Variants in MEN1 observed in about 807,000 individuals in gnomAD.
MEN1 encodes menin.
In MEN1, 6 loss-of-function variants were observed where a neutral mutation model predicts 58.0. The observed-to-expected ratio is 0.10, with a 90% CI of 0.06 to 0.20. MEN1 has a LOEUF of 0.20. Among genes scored for constraint, MEN1 ranks in the 10% least tolerant of loss-of-function variants. The probability of loss-of-function intolerance (pLI) is 1.00; values close to 1 mark genes in which losing one functional copy is unlikely to be tolerated. For missense variants in MEN1, 492 were observed against 818.5 expected (o/e 0.60, Z 4.87); for synonymous variants, 346 against 350.7 (o/e 0.99, Z 0.15).
Position 64,804,397 on chromosome 11 carries a change from C to G in MEN1, c.1770G>C (p.Gln590His), listed in dbSNP as rs1470506250. 2.5e-6 allele frequency: 4 copies of G among 1,614,182 alleles called. No homozygotes were observed. The highest frequency in any genetic ancestry group is 3.4e-6 in the Non-Finnish European group (4 of 1,180,020). ...TAQSQVQMKK[Q>H]KVSTPSDYTL... is the part of the protein sequence containing the mutation. The stretch of plus-strand genomic sequence containing the variant: ...TGTAGTCACTAGGGGTGGACACTTT[C>G]TGCTTCTTCATCTGCACTTGCGACT... Residue 590 changes from glutamine (Q) to histidine (H), a missense_variant, in exon 10 of 10, where the codon CAG (glutamine) becomes CAC (histidine). Around this residue, in one of 5 missense-constraint regions of MEN1, gnomAD observed 24 missense variants for 72.4 expected, o/e 0.33. Transcript: ENST00000450708. This position sits in a 1 kb window ranked among gnomAD's most constrained non-coding sequence, Gnocchi z 4.2.
intron 7 of MEN1, 163 bp from the exon 8 acceptor site, chr11:64,805,933 A>C: frequency 2.6e-6 from 2 of 755,282 alleles, no homozygotes; most frequent in South Asian, 3.1e-5. Context: ...GAAAGCAAGA[A>C]TGAGGAGGGG....
chr11:64,806,645 C>T (rs994671887), intron 6 of MEN1, among the ~76,000 whole-genome samples: 1 of 152,124 alleles, frequency 6.6e-6, no homozygotes, highest in Non-Finnish European at 1.5e-5. Flanking sequence ...CTACACATCA[C>T]CAAAGACTTT....
chr11:64,804,879 C>A lies in MEN1; in HGVS notation c.1351-63G>T, dbSNP rs1218493244. On this transcript the variant is annotated intron_variant, in intron 9 of 9. Coordinates refer to ENST00000450708, the MANE Select transcript of MEN1 (RefSeq NM_001370259.2). This position sits in a 1 kb window ranked among gnomAD's most constrained non-coding sequence, Gnocchi z 4.2. ...CCGGCCAGTGGCTGGAACTCCAGGA[C>A]CCTGCTCTGGCCATCCCATCCCACC... is the stretch of plus-strand genomic sequence containing the variant. 7 of 1,595,900 alleles carry A rather than the reference C, an allele frequency of 4.4e-6. No individual in the cohort carries two copies. Among genetic ancestry groups the A allele is most frequent in the South Asian group, 1.1e-5 (1 of 90,942 alleles).
chr11:64,806,963 C>T (rs376036962), intron 6 of MEN1, 48 bp downstream of exon 6: 2 of 1,570,244 alleles, frequency 1.3e-6, no homozygotes, highest in Non-Finnish European at 1.8e-6. Context: ...GCCCCTGCCT[C>T]AGCCACTGTT....
In MEN1 at chr11:64,807,390, C is replaced by T. The variant is rs1941807108; in HGVS notation, c.783+162G>A. ...GTCAAAGCAATTTCACATCTCAATTCTACTCTCCCAAGAGCCCTGGGAAAG... is the reference window on the plus strand; with the variant it reads ...GTCAAAGCAATTTCACATCTCAATTTTACTCTCCCAAGAGCCCTGGGAAAG... On this transcript the variant is annotated intron_variant, in intron 4 of 9. Transcript: ENST00000450708. The surrounding 1 kb of genome is among the most constrained non-coding windows in gnomAD (Gnocchi z 4.9). Among the ~76,000 whole-genome samples, 1 of 152,240 alleles carries T rather than the reference C, an allele frequency of 6.6e-6. No homozygotes were observed. The highest frequency in any genetic ancestry group is 2.4e-5 in the African/African-American group (1 of 41,454).
chr11:64,804,266 T>C lies in MEN1; in HGVS notation c.*68A>G, dbSNP rs1941477141. The C allele has an allele frequency of 4.3e-6, 7 of 1,609,886 alleles. No homozygotes were observed. The highest frequency in any genetic ancestry group is 1.7e-4 in the Middle Eastern group (1 of 5,892). Reference sequence around the variant, plus strand: ...TCCCCTTTGGGCTGGGGGCAGAACATGGGCTCAGAGTTGGGGGACTAAGGG... The same window carrying C: ...TCCCCTTTGGGCTGGGGGCAGAACACGGGCTCAGAGTTGGGGGACTAAGGG... On this transcript the variant is annotated 3_prime_UTR_variant, in exon 10 of 10. Transcript: ENST00000450708. This position sits in a 1 kb window ranked among gnomAD's most constrained non-coding sequence, Gnocchi z 4.2.
At chr11:64,806,431 T>A in intron 6 of MEN1, 63 bp from the exon 7 acceptor site, 1 of 1,603,942 alleles carries the variant, frequency 6.2e-7, no homozygotes, top group Admixed American at 1.7e-5. Flanking sequence ...CTGGCACAAA[T>A]GCCCCACCAG....
Position 64,808,025 on chromosome 11 carries a change from G to A in MEN1, c.520C>T (p.His174Tyr), listed in dbSNP as rs2136155482. Reference protein sequence around the residue: ...ACQALGLRDVHLALSEDHAWV... With the variant: ...ACQALGLRDVYLALSEDHAWV... ...GCATGATCCTCAGACAGGGCGAGGTGGACATCCCGGAGACCCAGGGCCTGG... is the reference window on the plus strand; with the variant it reads ...GCATGATCCTCAGACAGGGCGAGGTAGACATCCCGGAGACCCAGGGCCTGG... The change falls in exon 3 of 10, where the codon CAC (histidine) becomes TAC (tyrosine). Residue 174 changes from histidine to tyrosine, a missense_variant. This residue lies in a region of MEN1 where 335 missense variants were observed against 550.3 expected (regional missense o/e 0.61). Transcript: ENST00000450708. 1 of 1,614,150 alleles carries A rather than the reference G, an allele frequency of 6.2e-7. No homozygotes were observed. Among genetic ancestry groups the A allele is most frequent in the Non-Finnish European group, 8.5e-7 (1 of 1,180,028 alleles).
chr11:64,804,673 T>A lies in MEN1; in HGVS notation c.1494A>T (p.Pro498=), dbSNP rs1037335560. The stretch of plus-strand genomic sequence containing the variant: ...CGGTGCCCAGGCCCTTGTCCAGTGC[T>A]GGCTTCTTGGGCGGCGGGGGCTCCT... ...KPEEPPPPKK[P]ALDKGLGTGQ... The change falls in exon 10 of 10, where the codon CCA becomes CCT. Residue 498 remains proline (P), a synonymous_variant. Coordinates refer to ENST00000450708, the MANE Select transcript of MEN1 (RefSeq NM_001370259.2). This position sits in a 1 kb window ranked among gnomAD's most constrained non-coding sequence, Gnocchi z 4.2. 2.5e-6 allele frequency: 4 copies of A among 1,596,446 alleles called. No individual in the cohort carries two copies. Among genetic ancestry groups the A allele is most frequent in the Non-Finnish European group, 3.4e-6 (4 of 1,175,570 alleles).
chr11:64,808,620 T>C (rs1417536838), intron 2 of MEN1, among the ~76,000 whole-genome samples: 2 of 152,234 alleles, frequency 1.3e-5, no homozygotes, highest in African/African-American at 4.8e-5. Context: ...CCCTGACTCT[T>C]AAGCCTTTTG....
rs1413990417 is a variant in MEN1 at position 64,804,709 on chromosome 11, C to T, written c.1458G>A (p.Glu486=). ...GCGGCGGGGGCTCCTCTGGCTTGGA[C>T]TCCCGCCGTGGGCCCCGCCGCCGGC... ...REGRRRGPRR[E]SKPEEPPPPK... is the part of the protein sequence containing the mutation. Residue 486 remains glutamate, a synonymous_variant, in exon 10 of 10, where the codon GAG becomes GAA. Transcript: ENST00000450708. This position sits in a 1 kb window ranked among gnomAD's most constrained non-coding sequence, Gnocchi z 4.2. 3.1e-6 allele frequency: 5 copies of T among 1,595,624 alleles called. No individual in the cohort carries two copies. The highest frequency in any genetic ancestry group is 2.2e-5 in the East Asian group (1 of 44,782).
chr11:64,809,866 C>T lies in MEN1; in HGVS notation c.244G>A (p.Asp82Asn), dbSNP rs1419086083. The change falls in exon 2 of 10, where the codon GAC (aspartate) becomes AAC (asparagine). Residue 82 changes from aspartate (D) to asparagine (N), a missense_variant. Physicochemically the swap from Asp to Asn is conservative, Grantham distance 23. Transcript: ENST00000450708. ...PGGLTYFPVA[D>N]LSIIAALYAR... The stretch of plus-strand genomic sequence containing the variant: ...TAGAGGGCGGCGATGATAGACAGGT[C>T]GGCCACGGGAAAGTAGGTGAGGCCG... 1 of 1,606,960 alleles carries T rather than the reference C, an allele frequency of 6.2e-7. No individual in the cohort carries two copies. The highest frequency in any genetic ancestry group is 8.5e-7 in the Non-Finnish European group (1 of 1,177,014).
At chr11:64,809,046 G>C (rs1024868336) in intron 2 of MEN1, among the ~76,000 whole-genome samples, 4 of 151,542 alleles carry the variant, frequency 2.6e-5, no homozygotes. Flanking sequence ...CAGATCACTT[G>C]AGCCCAAGAG....
At position 64,804,853 on chromosome 11, in the gene MEN1, G is replaced by A. The variant is rs1369721375; in HGVS notation, c.1351-37C>T. On this transcript the variant is annotated intron_variant, in intron 9 of 9. Transcript: ENST00000450708. The surrounding 1 kb of genome is among the most constrained non-coding windows in gnomAD (Gnocchi z 4.2). ...GGGAGAGCAAGGTGAGAGCAAGGTT[G>A]CCGGCCAGTGGCTGGAACTCCAGGA... 1 of 1,595,514 alleles carries A rather than the reference G, an allele frequency of 6.3e-7. No homozygotes were observed. The highest frequency in any genetic ancestry group is 8.5e-7 in the Non-Finnish European group (1 of 1,177,996).
chr11:64,806,905 C>T (rs1345735749), intron 6 of MEN1, 106 bp downstream of exon 6: 17 of 982,160 alleles, frequency 1.7e-5, no homozygotes, highest in African/African-American at 1.1e-4. Flanking sequence ...ACTGGATGGG[C>T]GATACCCCCC....
intron 7 of MEN1, 125 bp downstream of exon 7, chr11:64,806,107 G>C (rs1941703189): frequency 1.5e-6 from 2 of 1,305,956 alleles, no homozygotes; most frequent in Middle Eastern, 2.3e-4. Flanking sequence ...TGGCCTTGCT[G>C]CCTAGGGACT....
chr11:64,810,143 A>AC lies in MEN1; in HGVS notation c.-23-12_-23-11insG. 3.8e-6 allele frequency: 2 copies of AC among 519,958 alleles called. No homozygotes were observed. Among genetic ancestry groups the AC allele is most frequent in the African/African-American group, 2.1e-5 (1 of 48,364 alleles). 32.2% of individuals were successfully genotyped at this position (519,958 alleles called of 1,614,324 possible). ...GCGGTGGGCGGCGGCCTGCAAGGCA[A>AC]GCCGGGGGAGGGAGGGTCGGGCAGG... On this transcript the variant is annotated splice_polypyrimidine_tract_variant and intron_variant, in intron 1 of 9. Coordinates refer to ENST00000450708, the MANE Select transcript of MEN1 (RefSeq NM_001370259.2).
intron 2 of MEN1, 100 bp downstream of exon 2, chr11:64,809,565 G>A (rs1941970517): frequency 2.8e-6 from 4 of 1,442,484 alleles, no homozygotes; most frequent in Non-Finnish European, 3.8e-6. Context: ...AACACCTGCC[G>A]AACCTCACAA....
In MEN1 at chr11:64,809,861, C is replaced by A. The variant is rs386134252; in HGVS notation, c.249G>T (p.Leu83=). 6.2e-7 allele frequency: 1 copy of A among 1,609,190 alleles called. No homozygotes were observed. The highest frequency in any genetic ancestry group is 8.5e-7 in the Non-Finnish European group (1 of 1,177,922). Reference sequence around the variant, plus strand: ...GGGCATAGAGGGCGGCGATGATAGACAGGTCGGCCACGGGAAAGTAGGTGA... The same window carrying A: ...GGGCATAGAGGGCGGCGATGATAGAAAGGTCGGCCACGGGAAAGTAGGTGA... ...GGLTYFPVAD[L]SIIAALYARF... is the part of the protein sequence containing the mutation. Residue 83 remains leucine (L), a synonymous_variant, in exon 2 of 10, where the codon CTG becomes CTT. Transcript: ENST00000450708.
Sources: gnomAD v4.1 joint callset for allele counts (sites outside exome capture counted in the v4.1 genomes callset) on GRCh38, gnomAD v4.1.1 for gene constraint, gnomAD v4.1.1 regional missense constraint, Gnocchi (gnomAD v3.1) non-coding constraint, MANE v1.5 for transcripts, NCBI Gene and HGNC (gene_info 2026-07-23, HGNC 2026-07-21) for gene names.